Variants in NTM observed in about 807,000 individuals in gnomAD.
NTM encodes the protein neurotrimin.
In NTM, 13 loss-of-function variants were observed where a neutral mutation model predicts 42.1. That is an observed-to-expected ratio of 0.31 (90% CI 0.20 to 0.49). NTM has a LOEUF of 0.49. Ranked by LOEUF, NTM falls within the 20% of genes least tolerant of loss-of-function variation. The pLI, the probability that NTM is intolerant of heterozygous loss-of-function variation, is 0.99. For synonymous variants in NTM, 187 were observed against 179.2 expected (o/e 1.04, Z -0.35); for missense variants, 373 against 452.8 (o/e 0.82, Z 1.60).
At chr11:132,052,773 CTGTGTGTG>C (rs5795753) in intron 2 of NTM, among the ~76,000 whole-genome samples, 12 of 148,270 alleles carry the variant, frequency 8.1e-5, no homozygotes, top group African/African-American at 2.2e-4. Flanking sequence ...TCCAGGCTCA[CTGTGTGTG>C]TGTGTGTGTG....
chr11:131,433,944 C>G (rs1009418226), intron 1 of NTM, among the ~76,000 whole-genome samples: 1 of 152,204 alleles, frequency 6.6e-6, no homozygotes, highest in Non-Finnish European at 1.5e-5. Flanking sequence ...CTATCCCTCT[C>G]CCTATCCCCA....
At chr11:132,108,079 T>C (rs1360846195) in intron 2 of NTM, among the ~76,000 whole-genome samples, 4 of 152,236 alleles carry the variant, frequency 2.6e-5, no homozygotes, top group African/African-American at 9.6e-5. Flanking sequence ...TTCCACGTTG[T>C]TGCTCACACC....
chr11:132,199,066 T>C (rs1176571138), intron 3 of NTM, among the ~76,000 whole-genome samples: 4 of 152,298 alleles, frequency 2.6e-5, no homozygotes, highest in African/African-American at 7.2e-5. Flanking sequence ...AATTCTTTGG[T>C]AGAACAGTCA....
At chr11:131,738,027 A>T (rs1356815106) in intron 1 of NTM, among the ~76,000 whole-genome samples, 1 of 152,140 alleles carries the variant, frequency 6.6e-6, no homozygotes, top group East Asian at 1.9e-4. Context: ...GATCAAACTG[A>T]CGCCTTAGTT....
At chr11:132,055,919 C>A (rs2079583660) in intron 2 of NTM, among the ~76,000 whole-genome samples, 1 of 152,194 alleles carries the variant, frequency 6.6e-6, no homozygotes, top group South Asian at 2.1e-4. Flanking sequence ...TAGCACAGAA[C>A]TCGGCACTCA....
At chr11:131,938,751 GAGATGT>G (rs1464626320) in intron 2 of NTM, among the ~76,000 whole-genome samples, 1 of 152,100 alleles carries the variant, frequency 6.6e-6, no homozygotes, top group Admixed American at 6.6e-5. Context: ...TGAATAAACA[GAGATGT>G]AGAAACAGCG....
At chr11:131,776,458 C>A (rs986213373) in intron 1 of NTM, among the ~76,000 whole-genome samples, 1 of 152,162 alleles carries the variant, frequency 6.6e-6, no homozygotes, top group Non-Finnish European at 1.5e-5. Flanking sequence ...CTGCCTTCCA[C>A]GTTAACAAGG....
chr11:131,977,151 T>C (rs1461857321), intron 2 of NTM, among the ~76,000 whole-genome samples: 3 of 152,248 alleles, frequency 2.0e-5, no homozygotes, highest in Non-Finnish European at 2.9e-5. Flanking sequence ...AATGCATGGA[T>C]TGATCTCTGC....
intron 1 of NTM, among the ~76,000 whole-genome samples, chr11:131,632,766 C>A (rs1374546760): frequency 1.4e-5 from 2 of 145,424 alleles, no homozygotes; most frequent in Non-Finnish European, 3.0e-5. Flanking sequence ...GCTCCGCCTC[C>A]CGGGTTCACG....
At chr11:131,967,901 A>T (rs377289288) in intron 2 of NTM, among the ~76,000 whole-genome samples, 2 of 152,176 alleles carry the variant, frequency 1.3e-5, no homozygotes, top group East Asian at 1.9e-4. Context: ...CTGAGAGGGA[A>T]TTTTTGAGAC....
rs866830176 is a variant in NTM at position 132,205,862 on chromosome 11, C to T, written c.401-6160C>T. On this transcript the variant is annotated intron_variant, in intron 3 of 8. Transcript: ENST00000683400. ...AGTAATATTCTTCCTGGATGTCCCT[C>T]ATCATCTCACCATCAGCAAGTCTAA... is the stretch of plus-strand genomic sequence containing the variant. Among the ~76,000 whole-genome samples the T allele has an allele frequency of 7.9e-5, 12 of 152,302 alleles. 1 individual carries two copies. Among genetic ancestry groups the T allele is most frequent in the Middle Eastern group, 3.4e-3 (1 of 294 alleles).
intron 1 of NTM, among the ~76,000 whole-genome samples, chr11:131,626,657 ACACT>A (rs1328869812): frequency 6.6e-6 from 1 of 152,212 alleles, no homozygotes; most frequent in Admixed American, 6.5e-5. Flanking sequence ...GAAGACATTT[ACACT>A]CACTCAAATG....
At chr11:132,202,246 G>T (rs935329631) in intron 3 of NTM, among the ~76,000 whole-genome samples, 1 of 152,166 alleles carries the variant, frequency 6.6e-6, no homozygotes, top group Non-Finnish European at 1.5e-5. Context: ...CTACACGGTG[G>T]GGAATCATGC....
chr11:131,850,473 C>G (rs1031063528), intron 1 of NTM, among the ~76,000 whole-genome samples: 5 of 152,160 alleles, frequency 3.3e-5, no homozygotes, highest in Non-Finnish European at 5.9e-5. Context: ...CACATGTCTA[C>G]TAGGGAGACA....
At chr11:132,109,979 C>T (rs1156969452) in intron 2 of NTM, among the ~76,000 whole-genome samples, 2 of 152,216 alleles carry the variant, frequency 1.3e-5, no homozygotes, top group African/African-American at 2.4e-5. Context: ...TCCTGCTTAC[C>T]ATTTGGGTTT....
chr11:132,164,685 C>T (rs1476635944), intron 3 of NTM, among the ~76,000 whole-genome samples: 2 of 152,036 alleles, frequency 1.3e-5, no homozygotes, highest in South Asian at 2.1e-4. Context: ...CAAATGGGGA[C>T]ACTTGCTGTT....
intron 1 of NTM, among the ~76,000 whole-genome samples, chr11:131,685,854 C>A (rs763672453): frequency 1.3e-5 from 2 of 152,180 alleles, no homozygotes; most frequent in Admixed American, 6.5e-5. Flanking sequence ...AAAGAAGACA[C>A]TCAATATATA....
At chr11:131,938,424 G>A (rs2059454771) in intron 2 of NTM, among the ~76,000 whole-genome samples, 1 of 152,240 alleles carries the variant, frequency 6.6e-6, no homozygotes, top group African/African-American at 2.4e-5. Context: ...AAAGAAAACG[G>A]AAGTCACTGG....
At chr11:132,270,419 G>A (rs1176990162) in intron 4 of NTM, among the ~76,000 whole-genome samples, 1 of 151,862 alleles carries the variant, frequency 6.6e-6, no homozygotes, top group Non-Finnish European at 1.5e-5. Context: ...AGTAGAGACG[G>A]GGTTTCACCA....
Sources: allele counts gnomAD v4.1 joint callset (sites outside exome capture counted in the v4.1 genomes callset), GRCh38; gene constraint gnomAD v4.1.1; transcripts MANE v1.5; gene names NCBI Gene and HGNC (gene_info 2026-07-23, HGNC 2026-07-21).